The following CSMD3 variants were observed in gnomAD, a reference collection of about 807,000 sequenced individuals.
CSMD3 encodes the protein CUB and sushi domain-containing protein 3.
In CSMD3, 177 loss-of-function variants were observed where a neutral mutation model predicts 435.2. That is an observed-to-expected ratio of 0.41 (90% CI 0.36 to 0.46). The LOEUF (loss-of-function observed/expected upper bound fraction) is 0.46. CSMD3 is among the 20% of genes least tolerant of loss of function. The probability of loss-of-function intolerance (pLI) is 0.34; values close to 1 mark genes in which losing one functional copy is unlikely to be tolerated. For missense variants in CSMD3, 4,265 were observed against 4,504.6 expected (o/e 0.95, Z 1.52); for synonymous variants, 1,656 against 1,520.5 (o/e 1.09, Z -2.07).
intron 63 of CSMD3, among the ~76,000 whole-genome samples, chr8:112,248,630 C>A (rs1814978804): frequency 1.3e-5 from 2 of 152,066 alleles, no homozygotes; most frequent in African/African-American, 4.8e-5. Flanking sequence ...CCCCTTAATT[C>A]CTACCCCCTC....
chr8:112,413,337 A>G (rs1417280252), intron 32 of CSMD3, among the ~76,000 whole-genome samples: 1 of 152,192 alleles, frequency 6.6e-6, no homozygotes, highest in Non-Finnish European at 1.5e-5. Flanking sequence ...ATTGACTGAG[A>G]AAGTTTGCAT....
intron 3 of CSMD3, among the ~76,000 whole-genome samples, chr8:113,259,877 G>C (rs1345083679): frequency 6.6e-6 from 1 of 152,050 alleles, no homozygotes; most frequent in Non-Finnish European, 1.5e-5. Flanking sequence ...ATCTTCAATT[G>C]TAGTTCCCAT....
intron 9 of CSMD3, among the ~76,000 whole-genome samples, chr8:112,943,052 T>C (rs147642435): frequency 2.1e-4 from 32 of 151,842 alleles, no homozygotes; most frequent in African/African-American, 7.2e-4. Context: ...CTGGTAGTTA[T>C]ATTAATTTGA....
intron 9 of CSMD3, among the ~76,000 whole-genome samples, chr8:112,942,414 T>C (rs1304217183): frequency 2.6e-5 from 4 of 151,684 alleles, no homozygotes; most frequent in African/African-American, 9.7e-5. Flanking sequence ...CATGCACAGG[T>C]ATGTTCACTG....
intron 7 of CSMD3, among the ~76,000 whole-genome samples, chr8:112,966,189 T>G (rs1336758666): frequency 1.3e-5 from 2 of 151,640 alleles, no homozygotes; most frequent in Non-Finnish European, 3.0e-5. Flanking sequence ...ATAAATAAAA[T>G]GAATAAAATT....
At chr8:112,505,841 T>A (rs371577303) in intron 29 of CSMD3, among the ~76,000 whole-genome samples, 2 of 152,084 alleles carry the variant, frequency 1.3e-5, no homozygotes, top group Non-Finnish European at 2.9e-5. Context: ...CTCTTTAAAA[T>A]CAGTGGTCTA....
At chr8:112,318,725 G>T in intron 47 of CSMD3, 112 bp downstream of exon 47, 1 of 713,526 alleles carries the variant, frequency 1.4e-6, no homozygotes, top group Non-Finnish European at 2.4e-6. Context: ...GTATAGCATT[G>T]TTTCCAGTTA....
At chr8:112,940,749 G>T (rs776181830) in intron 9 of CSMD3, among the ~76,000 whole-genome samples, 1 of 151,728 alleles carries the variant, frequency 6.6e-6, no homozygotes, top group Non-Finnish European at 1.5e-5. Context: ...TTTTCTCATA[G>T]ATTTCCTCAG....
rs566921333 is a variant in CSMD3, at chr8:112,948,028, A to C, written c.1421-151T>G. ...GCATTTGTTAAACTATAATTTTATA[A>C]AACAATAAAGAAAGCAAAAGCATTT... On this transcript the variant is annotated intron_variant, in intron 8 of 70. Coordinates refer to ENST00000297405, the MANE Select transcript of CSMD3 (RefSeq NM_198123.2). 27 of 553,944 alleles carry C rather than the reference A, an allele frequency of 4.9e-5. No individual in the cohort carries two copies. The African/African-American group carries it at 4.9e-4, about 10-fold the overall frequency. The allele number at this position is 553,944 out of a possible 1,614,324, so 34.3% of individuals were successfully genotyped here.
chr8:113,407,221 A>T (rs2094536565), intron 1 of CSMD3, among the ~76,000 whole-genome samples: 1 of 152,172 alleles, frequency 6.6e-6, no homozygotes, highest in Non-Finnish European at 1.5e-5. Flanking sequence ...ATCTGATCAC[A>T]AAAGAATTTG....
chr8:113,328,735 C>T lies in CSMD3; in HGVS notation c.179-13942G>A, dbSNP rs867187343. Among the ~76,000 whole-genome samples the T allele has an allele frequency of 6.3e-3, 363 of 57,178 alleles. 8 individuals carry two copies. Among genetic ancestry groups the T allele is most frequent in the African/African-American group, 0.025 (298 of 11,980 alleles). The allele number at this position is 57,178 out of a possible 152,430, so 37.5% of individuals were successfully genotyped here. On this transcript the variant is annotated intron_variant, in intron 1 of 70. Transcript: ENST00000297405. ...CTTTCTTTCTTTCCTTCCTTCTTTT[C>T]TTTTTTTTTTTTTTTTTTTTTTTTG... is the stretch of plus-strand genomic sequence containing the variant.
At chr8:112,631,707 C>A (rs986332240) in intron 22 of CSMD3, among the ~76,000 whole-genome samples, 1 of 151,692 alleles carries the variant, frequency 6.6e-6, no homozygotes, top group African/African-American at 2.4e-5. Flanking sequence ...TATTGTTAAG[C>A]CAAGAAATCA....
At chr8:112,329,303 T>C (rs758843560) in intron 45 of CSMD3, among the ~76,000 whole-genome samples, 1 of 152,110 alleles carries the variant, frequency 6.6e-6, no homozygotes, top group Non-Finnish European at 1.5e-5. Flanking sequence ...AAATAAGACC[T>C]TTCCATAGGC....
At position 113,099,359 on chromosome 8, in the gene CSMD3, A is replaced by T. The variant is rs973053376; in HGVS notation, c.710-396T>A. Among the ~76,000 whole-genome samples, 4 of 152,126 alleles carry T rather than the reference A, an allele frequency of 2.6e-5. No homozygotes were observed. In the East Asian group the frequency reaches 7.7e-4, roughly 29 times the overall value. On this transcript the variant is annotated intron_variant, in intron 4 of 70. Transcript: ENST00000297405. ...TGATCACTTTGTTTATTGACGGAAG[A>T]GCTTTTTGGTTTTTCAATGCAAGTA...
At chr8:112,509,067 G>A (rs1158828369) in intron 28 of CSMD3, among the ~76,000 whole-genome samples, 2 of 151,266 alleles carry the variant, frequency 1.3e-5, no homozygotes, top group African/African-American at 4.9e-5. Context: ...CTATTACTTA[G>A]AGAGTCTAGA....
chr8:113,314,708 A>T lies in CSMD3; in HGVS notation c.264T>A (p.Gly88=). The T allele has an allele frequency of 6.2e-7, 1 of 1,612,804 alleles. No homozygotes were observed. Among genetic ancestry groups the T allele is most frequent in the Non-Finnish European group, 8.5e-7 (1 of 1,179,074 alleles). ...CTATTATTACCCATGTGCAGTTTGC[A>T]CCATTTGGATATCCATATGGAAAAC... is the stretch of plus-strand genomic sequence containing the variant. The part of the protein sequence containing the change: ...SPGFPYGYPN[G]ANCTWVIIAE... Residue 88 remains glycine (G), a synonymous_variant, in exon 2 of 71, where the codon GGT becomes GGA. Coordinates refer to ENST00000297405, the MANE Select transcript of CSMD3 (RefSeq NM_198123.2).
chr8:112,807,313 T>C (rs1452192386), intron 12 of CSMD3, among the ~76,000 whole-genome samples: 2 of 152,132 alleles, frequency 1.3e-5, no homozygotes, highest in Admixed American at 6.6e-5. Flanking sequence ...TTTTTAGCAA[T>C]GACAATTTAA....
At chr8:113,102,059 G>GTGCTCT in intron 4 of CSMD3, among the ~76,000 whole-genome samples, 1 of 152,126 alleles carries the variant, frequency 6.6e-6, no homozygotes, top group African/African-American at 2.4e-5. Context: ...CTTGAATCCA[G>GTGCTCT]TGCTGTGCTC....
chr8:112,921,887 A>C (rs796187938), intron 9 of CSMD3, 136 bp from the exon 10 acceptor site: 1 of 695,936 alleles, frequency 1.4e-6, no homozygotes, highest in South Asian at 1.6e-5. Flanking sequence ...CAAAATGTGA[A>C]AGTATGACTT....
Sources: gnomAD v4.1 joint callset for allele counts (sites outside exome capture counted in the v4.1 genomes callset) on GRCh38, gnomAD v4.1.1 for gene constraint, MANE v1.5 for transcripts, NCBI Gene and HGNC (gene_info 2026-07-23, HGNC 2026-07-21) for gene names.